TDRKH: variants seen among roughly 807,000 people sequenced by gnomAD.
The protein encoded by TDRKH is tudor and KH domain-containing protein.
In TDRKH, 28 loss-of-function variants were observed where a neutral mutation model predicts 61.3. That is an observed-to-expected ratio of 0.46 (90% CI 0.34 to 0.63). TDRKH has a LOEUF of 0.63. Ranked by LOEUF, TDRKH falls within the 20% of genes least tolerant of loss-of-function variation. The pLI is 0.01. For missense variants in TDRKH, 540 were observed against 683.4 expected (o/e 0.79, Z 2.34); for synonymous variants, 219 against 244.4 (o/e 0.90, Z 0.97).
At position 151,775,850 on chromosome 1, in the gene TDRKH, C is replaced by G; in HGVS notation, c.1252G>C (p.Glu418Gln). 1 of 1,613,730 alleles carries G rather than the reference C, an allele frequency of 6.2e-7. No individual in the cohort carries two copies. ...GGAGCAATCCGTGCCAGACTACATT[C>G]TATTGCTTGAAATGGAAGGCTTAGG... ...DFLSLPFQAI[E>Q]CSLARIAPSG... Residue 418 changes from glutamate to glutamine, a missense_variant, in exon 9 of 13, where the codon GAA becomes CAA. Glu to Gln is a conservative substitution (Grantham distance 29). This residue lies in a region of TDRKH where 379 missense variants were observed against 443.8 expected (regional missense o/e 0.85). Coordinates refer to ENST00000368824, the MANE Select transcript of TDRKH (RefSeq NM_001083965.2).
chr1:151,790,498 A>C lies in TDRKH; in HGVS notation c.-146T>G, dbSNP rs1194654540. 1.3e-5 allele frequency: 2 copies of C among 152,412 alleles called. No individual in the cohort carries two copies. Among genetic ancestry groups the C allele is most frequent in the Non-Finnish European group, 2.9e-5 (2 of 68,268 alleles). 9.4% of individuals were successfully genotyped at this position (152,412 alleles called of 1,614,324 possible). ...GCCTCCCACTCACACCACCACAGTG[A>C]GCCCCGCCGGCGGCGCTTCAGCCGC... On this transcript the variant is annotated 5_prime_UTR_variant, in exon 1 of 13. Transcript: ENST00000368824.
Position 151,780,075 on chromosome 1 carries a change from C to T in TDRKH, c.297G>A (p.Leu99=), listed in dbSNP as rs1349621632. The T allele has an allele frequency of 6.2e-7, 1 of 1,614,214 alleles. No individual in the cohort carries two copies. Among genetic ancestry groups the T allele is most frequent in the East Asian group, 2.2e-5 (1 of 44,884 alleles). Residue 99 remains leucine, a synonymous_variant, in exon 4 of 13, where the codon CTG becomes CTA. Transcript: ENST00000368824. ...CCTGAACAGGAAAACCACTGATAAG[C>T]AGCACTCGCTCATCGCCTACATCCT... ...DTEDVGDERV[L]LISGFPVQVC... is the part of the protein sequence containing the mutation.
At chr1:151,781,647 C>A (rs1388244999) in intron 2 of TDRKH, 60 bp from the exon 3 acceptor site, 53 of 1,424,214 alleles carry the variant, frequency 3.7e-5, no homozygotes, top group Non-Finnish European at 5.0e-5. Context: ...AGTATAACTA[C>A]CAGTCCTCCC....
At chr1:151,773,069 GTCTC>G (rs71755748), downstream of TDRKH, among the ~76,000 whole-genome samples, 24,157 of 151,684 alleles carry the variant, frequency 0.16, 2,015 homozygotes, top group African/African-American at 0.2. Flanking sequence ...TTGAGACAGA[GTCTC>G]TCTCTGTCAC....
At chr1:151,788,357 T>C (rs552412994) in intron 1 of TDRKH, among the ~76,000 whole-genome samples, 21 of 152,266 alleles carry the variant, frequency 1.4e-4, no homozygotes, top group South Asian at 1.0e-3. Context: ...ACAGTCAAGA[T>C]AGATTTGGCA....
chr1:151,775,736 T>G (rs1649101654), intron 9 of TDRKH, 84 bp downstream of exon 9: 1 of 1,547,188 alleles, frequency 6.5e-7, no homozygotes, highest in African/African-American at 1.4e-5. Context: ...TCAAAAAGCC[T>G]GGGAATGTGA....
At chr1:151,789,734 C>T (rs985611301) in intron 1 of TDRKH, among the ~76,000 whole-genome samples, 3 of 152,266 alleles carry the variant, frequency 2.0e-5, no homozygotes, top group Admixed American at 2.0e-4. Context: ...TCCAGTATCT[C>T]CTAATAACCA....
intron 2 of TDRKH, chr1:151,781,879 T>A: frequency 2.2e-6 from 1 of 451,516 alleles, no homozygotes; most frequent in South Asian, 1.8e-5. Context: ...AAGACATGAC[T>A]ACTGGAGAAG....
downstream of TDRKH, chr1:151,770,339 CT>C (rs1648630135): frequency 2.0e-6 from 3 of 1,513,766 alleles, no homozygotes; most frequent in Non-Finnish European, 2.7e-6. Context: ...CCCTCTTCCC[CT>C]GTCTTTAAAA....
intron 9 of TDRKH, 130 bp from the exon 10 acceptor site, chr1:151,775,673 G>A: frequency 1.3e-6 from 2 of 1,487,920 alleles, no homozygotes; most frequent in Non-Finnish European, 1.8e-6. Flanking sequence ...TGCCAGGCAA[G>A]TTTCTGGCTG....
chr1:151,767,185 G>A (rs774168605), downstream of TDRKH: 5 of 1,613,820 alleles, frequency 3.1e-6, no homozygotes, highest in Non-Finnish European at 3.4e-6. Flanking sequence ...GGAAGAGGAG[G>A]ACTTGACACT....
In TDRKH at chr1:151,775,142, C is replaced by T. The variant is rs758201888; in HGVS notation, c.1459G>A (p.Val487Ile). The part of the protein sequence containing the change: ...GKKLDIGLEL[V>I]HKGYAIELPE... ...AGCTCAATTGCGTATCCTTTGTGTACTAATTCTAGCCCAATATCAAGTTTC... is the reference window on the plus strand; with the variant it reads ...AGCTCAATTGCGTATCCTTTGTGTATTAATTCTAGCCCAATATCAAGTTTC... Residue 487 changes from valine (V) to isoleucine (I), a missense_variant, in exon 11 of 13, where the codon GTA (valine) becomes ATA (isoleucine). Coordinates refer to ENST00000368824, the MANE Select transcript of TDRKH (RefSeq NM_001083965.2). The T allele has an allele frequency of 6.8e-6, 11 of 1,613,980 alleles. No individual in the cohort carries two copies. In the African/African-American group the frequency reaches 1.3e-4, roughly 20 times the overall value.
At chr1:151,776,922 T>C (rs1005887022) in intron 6 of TDRKH, among the ~76,000 whole-genome samples, 2 of 152,190 alleles carry the variant, frequency 1.3e-5, no homozygotes, top group African/African-American at 4.8e-5. Flanking sequence ...GACAGCAATC[T>C]TTACATGGAC....
rs376864524 is a variant in TDRKH, at chr1:151,781,461, C to G, written c.231+20G>C. On this transcript the variant is annotated intron_variant, in intron 3 of 12. Transcript: ENST00000368824. ...CAGAATCAATCCTTGGGAAAGCAGA[C>G]TGCCTACTCACACACTTACCTGTTT... 8.1e-6 allele frequency: 13 copies of G among 1,603,150 alleles called. No homozygotes were observed. Among genetic ancestry groups the G allele is most frequent in the Middle Eastern group, 1.7e-4 (1 of 6,052 alleles).
At chr1:151,767,281 G>A, downstream of TDRKH, 2 of 1,613,884 alleles carry the variant, frequency 1.2e-6, no homozygotes, top group African/African-American at 2.7e-5. Context: ...ACCACGACCA[G>A]CTTAAAGAAC....
At position 151,775,801 on chromosome 1, in the gene TDRKH, G is replaced by C; in HGVS notation, c.1282+19C>G. 1 of 1,611,834 alleles carries C rather than the reference G, an allele frequency of 6.2e-7. No individual in the cohort carries two copies. Among genetic ancestry groups the C allele is most frequent in the South Asian group, 1.1e-5 (1 of 90,982 alleles). ...ATTCTATTTGGAGGTAAGCTCAATA[G>C]ATGGCATGACCAATTTACCTGAGGG... is the stretch of plus-strand genomic sequence containing the variant. On this transcript the variant is annotated intron_variant, in intron 9 of 12. Transcript: ENST00000368824.
chr1:151,767,023 T>G (rs1302644001), downstream of TDRKH: 4 of 1,404,864 alleles, frequency 2.8e-6, no homozygotes, highest in East Asian at 9.2e-5. Flanking sequence ...AACTTTAGAA[T>G]TTTTCCATCT....
At position 151,782,983 on chromosome 1, in the gene TDRKH, T is replaced by C. The variant is rs1649983048; in HGVS notation, c.40A>G (p.Ile14Val). The C allele has an allele frequency of 6.2e-7, 1 of 1,613,850 alleles. No homozygotes were observed. Reference protein sequence around the residue: ...ERTSWTSLSTIQKIALGLGIP... With the variant: ...ERTSWTSLSTVQKIALGLGIP... ...CCAAGGCCCAGGGCTATTTTCTGAA[T>C]GGTGGACAGGCTTGTCCAAGAAGTC... Residue 14 changes from isoleucine to valine, a missense_variant, in exon 2 of 13, where the codon ATT becomes GTT. Physicochemically the swap from Ile to Val is conservative, Grantham distance 29. Transcript: ENST00000368824.
Position 151,776,181 on chromosome 1 carries a change from T to G in TDRKH, c.1132A>C (p.Thr378Pro). 1 of 1,614,112 alleles carries G rather than the reference T, an allele frequency of 6.2e-7. No homozygotes were observed. Among genetic ancestry groups the G allele is most frequent in the Non-Finnish European group, 8.5e-7 (1 of 1,180,022 alleles). ...AGGTCCAAGTTCCCATTCTCCAAGG[T>G]GCCGAGGACCCGGGCTCGATACCAG... The part of the protein sequence containing the change: ...GSWYRARVLG[T>P]LENGNLDLYF... Residue 378 changes from threonine to proline, a missense_variant, in exon 8 of 13, where the codon ACC becomes CCC. Thr to Pro is a conservative substitution (Grantham distance 38). Around this residue, in one of 3 missense-constraint regions of TDRKH, gnomAD observed 379 missense variants for 443.8 expected, o/e 0.85. Coordinates refer to ENST00000368824, the MANE Select transcript of TDRKH (RefSeq NM_001083965.2).
Sources: gnomAD v4.1 joint callset for allele counts (sites outside exome capture counted in the v4.1 genomes callset) on GRCh38, gnomAD v4.1.1 for gene constraint, gnomAD v4.1.1 regional missense constraint, MANE v1.5 for transcripts, NCBI Gene and HGNC (gene_info 2026-07-23, HGNC 2026-07-21) for gene names.